Variants in MVB12B observed in about 807,000 individuals in gnomAD.
The protein encoded by MVB12B is multivesicular body subunit 12B, also known as ESCRT-I complex subunit MVB12B.
A neutral mutation model predicts 41.6 loss-of-function variants in MVB12B; 16 were observed. That is an observed-to-expected ratio of 0.38 (90% CI 0.26 to 0.58). The LOEUF (loss-of-function observed/expected upper bound fraction) is 0.58, where lower values mean the gene tolerates loss of function less well. MVB12B is among the 20% of genes least tolerant of loss of function. The probability of loss-of-function intolerance (pLI) is 0.62; values close to 1 mark genes in which losing one functional copy is unlikely to be tolerated. For missense variants in MVB12B, 274 were observed against 380.2 expected (o/e 0.72, Z 2.32); for synonymous variants, 133 against 139.7 (o/e 0.95, Z 0.34).
At chr9:126,438,424 T>C (rs1201043096) in intron 7 of MVB12B, among the ~76,000 whole-genome samples, 2 of 150,642 alleles carry the variant, frequency 1.3e-5, no homozygotes, top group Non-Finnish European at 3.0e-5. Flanking sequence ...AGTCTAAAGG[T>C]GTCAATGATA....
intron 2 of MVB12B, among the ~76,000 whole-genome samples, chr9:126,354,460 A>G (rs1436411971): frequency 1.3e-5 from 2 of 152,244 alleles, no homozygotes; most frequent in Non-Finnish European, 2.9e-5. Context: ...TTTTTATGAG[A>G]AACAGTGTAT....
chr9:126,457,759 G>T (rs1483297927), intron 7 of MVB12B, among the ~76,000 whole-genome samples: 2 of 152,108 alleles, frequency 1.3e-5, no homozygotes, highest in Non-Finnish European at 2.9e-5. Context: ...GAGGGAGAAC[G>T]GGTGGTATGT....
At chr9:126,427,639 A>G (rs1832218264) in intron 7 of MVB12B, among the ~76,000 whole-genome samples, 1 of 152,248 alleles carries the variant, frequency 6.6e-6, no homozygotes, top group Non-Finnish European at 1.5e-5. Flanking sequence ...AAAAATTGAC[A>G]TAGTAAAATT....
intron 9 of MVB12B, among the ~76,000 whole-genome samples, chr9:126,490,340 A>C (rs1184673510): frequency 6.6e-6 from 1 of 152,194 alleles, no homozygotes; most frequent in East Asian, 1.9e-4. Flanking sequence ...AGGAGGCAGC[A>C]GCCTTGGGTG....
Position 126,340,393 on chromosome 9 carries a change from G to A in MVB12B, c.82-115G>A, listed in dbSNP as rs1829410465. On this transcript the variant is annotated intron_variant, in intron 1 of 9. Coordinates refer to ENST00000361171, the MANE Select transcript of MVB12B (RefSeq NM_033446.3). The surrounding 1 kb of genome is among the most constrained non-coding windows in gnomAD (Gnocchi z 4.0). Reference sequence around the variant, plus strand: ...GGTCAGGACTCATTCAACCAGTACAGGTATGTGAAACTCAGGGTATTTGCC... The same window carrying A: ...GGTCAGGACTCATTCAACCAGTACAAGTATGTGAAACTCAGGGTATTTGCC... The A allele has an allele frequency of 1.7e-6, 2 of 1,171,388 alleles. No individual in the cohort carries two copies. Among genetic ancestry groups the A allele is most frequent in the Middle Eastern group, 2.1e-4 (1 of 4,744 alleles). 72.6% of individuals were successfully genotyped at this position (1,171,388 alleles called of 1,614,324 possible).
At chr9:126,357,288 A>G (rs992339603) in intron 2 of MVB12B, among the ~76,000 whole-genome samples, 7 of 152,194 alleles carry the variant, frequency 4.6e-5, no homozygotes, top group Non-Finnish European at 7.3e-5. Context: ...AGTTTGGGCT[A>G]TTAAAGTAAA....
At chr9:126,502,001 C>T (rs1833969659) in intron 9 of MVB12B, among the ~76,000 whole-genome samples, 1 of 152,170 alleles carries the variant, frequency 6.6e-6, no homozygotes, top group Non-Finnish European at 1.5e-5. Flanking sequence ...ACAGGTGTCC[C>T]CCAAGGAGCT....
chr9:126,450,191 T>C (rs1054149246), intron 7 of MVB12B, among the ~76,000 whole-genome samples: 1 of 152,226 alleles, frequency 6.6e-6, no homozygotes, highest in Non-Finnish European at 1.5e-5. Context: ...CCCTGCACTG[T>C]GCAGAGCAGA....
intron 6 of MVB12B, among the ~76,000 whole-genome samples, chr9:126,407,334 A>G (rs759589653): frequency 5.6e-4 from 85 of 152,218 alleles, no homozygotes; most frequent in African/African-American, 1.3e-3. Flanking sequence ...ACAACAGCCA[A>G]AAGCCCAAAG....
intron 9 of MVB12B, among the ~76,000 whole-genome samples, chr9:126,488,389 T>C (rs917144682): frequency 3.3e-5 from 5 of 149,654 alleles, no homozygotes; most frequent in African/African-American, 1.2e-4. Flanking sequence ...AGTGGGAGAC[T>C]GCTTTCAGGT....
Position 126,391,654 on chromosome 9 carries a change from G to A in MVB12B, c.410-412G>A, listed in dbSNP as rs574208038. On this transcript the variant is annotated intron_variant, in intron 4 of 9. Transcript: ENST00000361171. The surrounding 1 kb of genome is among the most constrained non-coding windows in gnomAD (Gnocchi z 4.4). ...TGACACTGGGTGACGGGAACACGTG[G>A]ATTCATTCCACTGTTCTCTCTGCTT... Among the ~76,000 whole-genome samples the A allele has an allele frequency of 6.6e-6, 1 of 152,348 alleles. No individual in the cohort carries two copies. The highest frequency in any genetic ancestry group is 2.1e-4 in the South Asian group (1 of 4,828).
intron 7 of MVB12B, among the ~76,000 whole-genome samples, chr9:126,457,590 T>C (rs1833008458): frequency 6.6e-6 from 1 of 152,202 alleles, no homozygotes; most frequent in Non-Finnish European, 1.5e-5. Context: ...GGGCTTCTAG[T>C]GTACCCATCG....
Position 126,333,408 on chromosome 9 carries a change from C to T in MVB12B, c.81+6398C>T, listed in dbSNP as rs1419518309. Among the ~76,000 whole-genome samples the T allele has an allele frequency of 6.8e-6, 1 of 146,640 alleles. No individual in the cohort carries two copies. On this transcript the variant is annotated intron_variant, in intron 1 of 9. Coordinates refer to ENST00000361171, the MANE Select transcript of MVB12B (RefSeq NM_033446.3). This position sits in a 1 kb window ranked among gnomAD's most constrained non-coding sequence, Gnocchi z 4.7. ...CCATGACCCTGGTTTTATTTATTTA[C>T]TTATTTATTTTTTTGAGATGAGGTC...
At chr9:126,370,279 T>C (rs1355825029) in intron 2 of MVB12B, among the ~76,000 whole-genome samples, 1 of 152,166 alleles carries the variant, frequency 6.6e-6, no homozygotes, top group Non-Finnish European at 1.5e-5. Context: ...CCACTCATTT[T>C]GTTGGACATT....
chr9:126,460,338 A>G (rs962362394), intron 7 of MVB12B, among the ~76,000 whole-genome samples: 14 of 152,162 alleles, frequency 9.2e-5, no homozygotes, highest in Non-Finnish European at 1.3e-4. Context: ...GCATTCCACA[A>G]CATAAGTCGC....
intron 3 of MVB12B, among the ~76,000 whole-genome samples, chr9:126,384,429 T>G (rs932709052): frequency 3.3e-5 from 5 of 152,230 alleles, no homozygotes; most frequent in Admixed American, 1.3e-4. Flanking sequence ...TTTGTGTACT[T>G]TTGGTTCATA....
chr9:126,500,755 C>T (rs557158713), intron 9 of MVB12B, among the ~76,000 whole-genome samples: 2 of 152,374 alleles, frequency 1.3e-5, no homozygotes, highest in South Asian at 4.1e-4. Context: ...GTGGCACTCT[C>T]CTCTGCACCT....
chr9:126,503,379 C>CCT lies in MVB12B; in HGVS notation c.*116_*117insCT. The CCT allele has an allele frequency of 1.2e-6, 1 of 835,656 alleles. No homozygotes were observed. The highest frequency in any genetic ancestry group is 1.9e-6 in the Non-Finnish European group (1 of 540,000). The allele number at this position is 835,656 out of a possible 1,614,324, so 51.8% of individuals were successfully genotyped here. A position where few individuals can be genotyped will look rare whatever the true frequency, so the allele number is the denominator to read the frequency against. On this transcript the variant is annotated 3_prime_UTR_variant, in exon 10 of 10. Transcript: ENST00000361171. Reference sequence around the variant, plus strand: ...AGCCCTCCCTCCCACACTGCCCCAGCAGGGCTGGCCCGGAGACTGGGCAGC... The same window carrying CCT: ...AGCCCTCCCTCCCACACTGCCCCAGCCTAGGGCTGGCCCGGAGACTGGGCAGC...
At chr9:126,408,131 G>T (rs1401562597) in intron 6 of MVB12B, 2 of 152,212 alleles carry the variant, frequency 1.3e-5, no homozygotes, top group African/African-American at 4.8e-5. Flanking sequence ...AGTGGAAACA[G>T]TATTTAAGGG....
Sources: gnomAD v4.1 joint callset for allele counts (sites outside exome capture counted in the v4.1 genomes callset) on GRCh38, gnomAD v4.1.1 for gene constraint, Gnocchi (gnomAD v3.1) non-coding constraint, MANE v1.5 for transcripts, NCBI Gene and HGNC (gene_info 2026-07-23, HGNC 2026-07-21) for gene names.